Variants in PKP1 observed in about 807,000 individuals in gnomAD.
The protein encoded by PKP1 is plakophilin-1.
In PKP1, 27 loss-of-function variants were observed where a neutral mutation model predicts 76.4. That is an observed-to-expected ratio of 0.35 (90% CI 0.26 to 0.49). The LOEUF is 0.49. PKP1 is among the 20% of genes least tolerant of loss of function. PKP1 has a pLI of 0.99. For missense variants in PKP1, 964 were observed against 955.2 expected (o/e 1.01, Z -0.12); for synonymous variants, 404 against 384.2 (o/e 1.05, Z -0.60).
In PKP1 at chr1:201,290,625, G is replaced by A. The variant is rs1571538970; in HGVS notation, c.203-3317G>A. Among the ~76,000 whole-genome samples, 4 of 152,140 alleles carry A rather than the reference G, an allele frequency of 2.6e-5. No individual in the cohort carries two copies. The South Asian group carries it at 8.3e-4, about 32-fold the overall frequency. ...GGAGGAGAGCCTGACCCCATTCTAA[G>A]CCTCTAAGCACCAGGCATCAGAGCA... On this transcript the variant is annotated intron_variant, in intron 1 of 13. Coordinates refer to ENST00000367324, the MANE Select transcript of PKP1 (RefSeq NM_001005337.3).
intron 2 of PKP1, among the ~76,000 whole-genome samples, chr1:201,300,976 G>A (rs1656211696): frequency 6.6e-6 from 1 of 152,174 alleles, no homozygotes; most frequent in Admixed American, 6.5e-5. Context: ...CAAAGCATAG[G>A]CATCCCCTGC....
intron 2 of PKP1, among the ~76,000 whole-genome samples, chr1:201,306,679 C>CTT (rs3216545): frequency 1.4e-5 from 2 of 147,104 alleles, no homozygotes. Flanking sequence ...AAAACTTTTA[C>CTT]TTTTTTTTTT....
rs375307758 is a variant in PKP1 at position 201,286,972 on chromosome 1, C to G, written c.202+3068C>G. On this transcript the variant is annotated intron_variant, in intron 1 of 13. Transcript: ENST00000367324. ...ACTTGCCCTAACCCAAGCGCTCCCC[C>G]GCCACTGTGAATACAGATCACACCC... Among the ~76,000 whole-genome samples, 22 of 152,282 alleles carry G rather than the reference C, an allele frequency of 1.4e-4. 1 individual carries two copies. Among genetic ancestry groups the G allele is most frequent in the East Asian group, 9.7e-4 (5 of 5,178 alleles).
intron 2 of PKP1, among the ~76,000 whole-genome samples, chr1:201,299,471 G>A (rs1232917802): frequency 6.6e-6 from 1 of 152,170 alleles, no homozygotes; most frequent in East Asian, 1.9e-4. Flanking sequence ...TCTCAATTAT[G>A]GAGCAAGGCA....
intron 8 of PKP1, 67 bp downstream of exon 8, chr1:201,322,200 C>T: frequency 6.5e-7 from 1 of 1,549,128 alleles, no homozygotes; most frequent in Non-Finnish European, 8.8e-7. Flanking sequence ...ACTGCCTCAT[C>T]TGCCCTTTCC....
At position 201,331,126 on chromosome 1, in the gene PKP1, A is replaced by T. The variant is rs557286579; in HGVS notation, c.*1085A>T. ...TGGGGTATAGAAATTAACCAGGAAG[A>T]TGTTTCCACCAAGCCTGCTGTGAGT... On this transcript the variant is annotated 3_prime_UTR_variant, in exon 14 of 14. Transcript: ENST00000367324. 2.0e-5 allele frequency: 3 copies of T among 152,062 alleles called. No homozygotes were observed. The highest frequency in any genetic ancestry group is 4.8e-5 in the African/African-American group (2 of 41,362). The allele number at this position is 152,062 out of a possible 1,614,324, so 9.4% of individuals were successfully genotyped here. A position where few individuals can be genotyped will look rare whatever the true frequency, so the allele number is the denominator to read the frequency against.
At chr1:201,289,651 G>C (rs1231438149) in intron 1 of PKP1, among the ~76,000 whole-genome samples, 1 of 151,590 alleles carries the variant, frequency 6.6e-6, no homozygotes, top group Non-Finnish European at 1.5e-5. Context: ...CTCCCAGCTT[G>C]GTTGGGGAGA....
At chr1:201,317,836 T>C in intron 5 of PKP1, 57 bp downstream of exon 5, 1 of 1,514,154 alleles carries the variant, frequency 6.6e-7, no homozygotes, top group Non-Finnish European at 9.1e-7. Context: ...CCACTGGCTA[T>C]GGCCCCAGGC....
At chr1:201,315,227 A>C (rs1656689197) in intron 3 of PKP1, among the ~76,000 whole-genome samples, 1 of 152,216 alleles carries the variant, frequency 6.6e-6, no homozygotes, top group Non-Finnish European at 1.5e-5. Flanking sequence ...GATGAGTGTC[A>C]AGCCATTTTG....
intron 2 of PKP1, among the ~76,000 whole-genome samples, chr1:201,298,643 T>A (rs539251255): frequency 6.6e-6 from 1 of 152,218 alleles, no homozygotes. Flanking sequence ...CAGCCTGGCA[T>A]GCCTAAGAGT....
At position 201,330,497 on chromosome 1, in the gene PKP1, GACA is replaced by G. The variant is rs796938287; in HGVS notation, c.*460_*462del. ...CCTGTGTTTCTTACTCATAGGCAAGGACAACATGTGCTTTTTGGTGAGCTGCTC... is the reference window on the plus strand; with the variant it reads ...CCTGTGTTTCTTACTCATAGGCAAGGACATGTGCTTTTTGGTGAGCTGCTC... On this transcript the variant is annotated 3_prime_UTR_variant, in exon 14 of 14. Coordinates refer to ENST00000367324, the MANE Select transcript of PKP1 (RefSeq NM_001005337.3). 17 of 152,302 alleles carry G rather than the reference GACA, an allele frequency of 1.1e-4. No homozygotes were observed. The highest frequency in any genetic ancestry group is 4.1e-4 in the African/African-American group (17 of 41,562). 9.4% of individuals were successfully genotyped at this position (152,302 alleles called of 1,614,324 possible).
intron 3 of PKP1, among the ~76,000 whole-genome samples, chr1:201,315,668 T>C (rs1183235762): frequency 1.3e-5 from 2 of 152,168 alleles, no homozygotes; most frequent in African/African-American, 4.8e-5. Flanking sequence ...GGTTATTAGG[T>C]TAAAACATAT....
chr1:201,316,137 CGGATGGACGGACGGATGGAT>C, intron 3 of PKP1: 1 of 15,630 alleles, frequency 6.4e-5, no homozygotes. Context: ...GACGGACGGA[CGGATGGACGGACGGATGGAT>C]GGATGGATGG....
chr1:201,322,467 G>A (rs1468752576), intron 8 of PKP1, among the ~76,000 whole-genome samples: 6 of 152,170 alleles, frequency 3.9e-5, no homozygotes, highest in African/African-American at 1.4e-4. Context: ...TTGAGGATCT[G>A]AGGAAAGCCA....
chr1:201,317,915 T>C (rs1454028788), intron 5 of PKP1, 136 bp downstream of exon 5: 2 of 855,626 alleles, frequency 2.3e-6, no homozygotes, highest in East Asian at 5.3e-5. Context: ...AGGGCTAATA[T>C]CCTGAGAGTT....
intron 2 of PKP1, among the ~76,000 whole-genome samples, chr1:201,302,643 C>T (rs1202329393): frequency 6.6e-6 from 1 of 152,154 alleles, no homozygotes; most frequent in East Asian, 1.9e-4. Flanking sequence ...CCTGCCTGCC[C>T]CAGGAGAGCA....
rs757655455 is a variant in PKP1 at position 201,317,798 on chromosome 1, C to T, written c.1054+19C>T. 18 of 1,608,298 alleles carry T rather than the reference C, an allele frequency of 1.1e-5. No homozygotes were observed. Among genetic ancestry groups the T allele is most frequent in the East Asian group, 2.2e-5 (1 of 44,772 alleles). On this transcript the variant is annotated intron_variant, in intron 5 of 13. Coordinates refer to ENST00000367324, the MANE Select transcript of PKP1 (RefSeq NM_001005337.3). ...CTGACTGGTAGGACAACACGGCCAC[C>T]GAGAGCCAGCCTGAGGGCTGTGCAA...
chr1:201,325,992 GT>G (rs1320485963), intron 12 of PKP1, among the ~76,000 whole-genome samples, 154 bp downstream of exon 12: 1 of 152,204 alleles, frequency 6.6e-6, no homozygotes, highest in Non-Finnish European at 1.5e-5. Context: ...GAAAATGAAT[GT>G]GATGAACGTT....
intron 2 of PKP1, among the ~76,000 whole-genome samples, chr1:201,304,343 G>A (rs1409480485): frequency 6.6e-6 from 1 of 152,144 alleles, no homozygotes; most frequent in East Asian, 1.9e-4. Context: ...TGTGCTCAGT[G>A]GTGCGTTTAG....
Sources: allele counts gnomAD v4.1 joint callset (sites outside exome capture counted in the v4.1 genomes callset), GRCh38; gene constraint gnomAD v4.1.1; transcripts MANE v1.5; gene names NCBI Gene and HGNC (gene_info 2026-07-23, HGNC 2026-07-21).